Variants in TBC1D22A observed in about 807,000 individuals in gnomAD.
TBC1D22A encodes the protein TBC1 domain family member 22A.
In TBC1D22A, 38 loss-of-function variants were observed where a neutral mutation model predicts 60.2. The observed-to-expected ratio is 0.63, with a 90% CI of 0.49 to 0.83. TBC1D22A has a LOEUF of 0.83. TBC1D22A is among the 40% of genes least tolerant of loss of function. The pLI is 0.00. For missense variants in TBC1D22A, 628 were observed against 701.0 expected (o/e 0.90, Z 1.18); for synonymous variants, 302 against 281.7 (o/e 1.07, Z -0.72).
intron 11 of TBC1D22A, among the ~76,000 whole-genome samples, chr22:47,040,758 C>G (rs2062814481): frequency 6.6e-6 from 1 of 152,162 alleles, no homozygotes; most frequent in Admixed American, 6.5e-5. Context: ...AAAAGAACAA[C>G]AGGTTCTGAC....
intron 12 of TBC1D22A, among the ~76,000 whole-genome samples, chr22:47,167,962 G>A (rs1212334240): frequency 6.6e-6 from 1 of 151,728 alleles, no homozygotes; most frequent in Admixed American, 6.5e-5. Flanking sequence ...GTCTCCTGTT[G>A]CTATCACTAT....
intron 9 of TBC1D22A, among the ~76,000 whole-genome samples, chr22:46,991,625 C>T (rs1029621185): frequency 1.3e-5 from 2 of 152,208 alleles, no homozygotes; most frequent in African/African-American, 4.8e-5. Context: ...GTGAATGATA[C>T]CCCTCCATCC....
rs557006715 is a variant in TBC1D22A at position 47,015,390 on chromosome 22, C to T, written c.1201+17681C>T. ...AGGAACAATGAATGCCTTCGGCCCTCTGTTTAAATGACTGAATTATAGAGG... is the reference window on the plus strand; with the variant it reads ...AGGAACAATGAATGCCTTCGGCCCTTTGTTTAAATGACTGAATTATAGAGG... On this transcript the variant is annotated intron_variant, in intron 10 of 12. Coordinates refer to ENST00000337137, the MANE Select transcript of TBC1D22A (RefSeq NM_014346.5). 1.8e-4 allele frequency among the ~76,000 whole-genome samples: 28 copies of T among 152,326 alleles called. No homozygotes were observed. The South Asian group carries it at 2.9e-3, about 16-fold the overall frequency.
Position 46,867,032 on chromosome 22 carries a change from T to C in TBC1D22A, c.638-11621T>C, listed in dbSNP as rs114189038. ...GATGACTACAGGATTTGTCATTTCA[T>C]GACAGCTGTTCTGCTTATTCTCCAG... is the stretch of plus-strand genomic sequence containing the variant. On this transcript the variant is annotated intron_variant, in intron 4 of 12. Coordinates refer to ENST00000337137, the MANE Select transcript of TBC1D22A (RefSeq NM_014346.5). Among the ~76,000 whole-genome samples, 408 of 152,370 alleles carry C rather than the reference T, an allele frequency of 2.7e-3. 2 individuals are homozygous for C. The highest frequency in any genetic ancestry group is 9.4e-3 in the African/African-American group (393 of 41,588).
intron 12 of TBC1D22A, among the ~76,000 whole-genome samples, chr22:47,114,804 C>A (rs1476791638): frequency 1.3e-5 from 2 of 152,154 alleles, no homozygotes; most frequent in African/African-American, 4.8e-5. Context: ...GGCAGAGACC[C>A]TCCTGTTGTT....
chr22:47,103,768 A>AT (rs199874343), intron 11 of TBC1D22A, among the ~76,000 whole-genome samples: 5,713 of 151,708 alleles, frequency 0.038, 326 homozygotes, highest in African/African-American at 0.13. Flanking sequence ...CTAAGCTCTG[A>AT]TTTTTTTTTA....
intron 4 of TBC1D22A, among the ~76,000 whole-genome samples, chr22:46,870,025 T>G (rs192270072): frequency 6.6e-6 from 1 of 152,388 alleles, no homozygotes; most frequent in Admixed American, 6.5e-5. Flanking sequence ...AATAACTGCA[T>G]CTGTCAGCAT....
intron 4 of TBC1D22A, among the ~76,000 whole-genome samples, chr22:46,873,767 C>G (rs948424875): frequency 2.5e-4 from 38 of 151,890 alleles, no homozygotes; most frequent in Middle Eastern, 3.4e-3. Context: ...CCATCCATGT[C>G]ACTGCAAAGG....
intron 4 of TBC1D22A, among the ~76,000 whole-genome samples, chr22:46,836,290 T>C (rs937574404): frequency 6.6e-6 from 1 of 152,198 alleles, no homozygotes; most frequent in Admixed American, 6.5e-5. Context: ...TATACAAAGA[T>C]GTAAATTAAT....
chr22:47,035,394 C>G (rs1038992078), intron 10 of TBC1D22A, among the ~76,000 whole-genome samples: 2 of 152,180 alleles, frequency 1.3e-5, no homozygotes, highest in African/African-American at 4.8e-5. Context: ...GTCCAGCCTC[C>G]CTGGTGACTT....
intron 11 of TBC1D22A, among the ~76,000 whole-genome samples, chr22:47,059,739 C>G (rs1183821722): frequency 6.6e-6 from 1 of 152,172 alleles, no homozygotes; most frequent in African/African-American, 2.4e-5. Context: ...CCAGCAGCAT[C>G]CCTGCGCTTT....
intron 7 of TBC1D22A, among the ~76,000 whole-genome samples, chr22:46,904,131 C>A (rs2069233137): frequency 9.2e-6 from 1 of 108,406 alleles, no homozygotes; most frequent in African/African-American, 3.7e-5. Context: ...ATCTATCTAT[C>A]TATCTATCTA....
At chr22:46,902,963 T>C (rs2069113495) in intron 7 of TBC1D22A, among the ~76,000 whole-genome samples, 1 of 150,862 alleles carries the variant, frequency 6.6e-6, no homozygotes, top group Non-Finnish European at 1.5e-5. Flanking sequence ...CTGAAAGAAT[T>C]GGAGAAGACA....
At chr22:46,892,713 A>G (rs920756567) in intron 6 of TBC1D22A, among the ~76,000 whole-genome samples, 4 of 152,260 alleles carry the variant, frequency 2.6e-5, no homozygotes, top group African/African-American at 9.6e-5. Flanking sequence ...AAAGATTTCC[A>G]AAGGATGACA....
At chr22:47,037,993 A>G (rs533757401) in intron 11 of TBC1D22A, among the ~76,000 whole-genome samples, 1 of 152,362 alleles carries the variant, frequency 6.6e-6, no homozygotes, top group South Asian at 2.1e-4. Flanking sequence ...TCAATTCTTC[A>G]GGAGGTTGAG....
chr22:46,780,472 G>A (rs2083890002), intron 1 of TBC1D22A, among the ~76,000 whole-genome samples: 1 of 151,982 alleles, frequency 6.6e-6, no homozygotes, highest in Non-Finnish European at 1.5e-5. Flanking sequence ...TACACCATCA[G>A]GTTTGTTTGA....
chr22:47,126,998 A>G (rs967488432), intron 12 of TBC1D22A, among the ~76,000 whole-genome samples: 1 of 152,234 alleles, frequency 6.6e-6, no homozygotes, highest in Non-Finnish European at 1.5e-5. Context: ...ACGGGTGCAC[A>G]CAATACACGC....
chr22:46,982,370 C>G (rs1307542977), intron 9 of TBC1D22A, among the ~76,000 whole-genome samples: 2 of 152,072 alleles, frequency 1.3e-5, no homozygotes, highest in Non-Finnish European at 2.9e-5. Context: ...ACTACAGGCA[C>G]CCGCCTCCAC....
chr22:46,778,842 G>C (rs2083814836), intron 1 of TBC1D22A, among the ~76,000 whole-genome samples: 1 of 152,126 alleles, frequency 6.6e-6, no homozygotes. Context: ...TCAGGAGTTC[G>C]AAAGCAGCCT....
Sources: gnomAD v4.1 joint callset for allele counts (sites outside exome capture counted in the v4.1 genomes callset) on GRCh38, gnomAD v4.1.1 for gene constraint, MANE v1.5 for transcripts, NCBI Gene and HGNC (gene_info 2026-07-23, HGNC 2026-07-21) for gene names.